Variants in NLGN4X observed in about 807,000 individuals in gnomAD.
NLGN4X encodes neuroligin-4, X-linked.
NLGN4X carries 3 observed loss-of-function variants against 40.3 expected under a neutral mutation model. The observed-to-expected ratio is 0.07, with a 90% confidence interval of 0.03 to 0.19. The LOEUF (loss-of-function observed/expected upper bound fraction) is 0.19. NLGN4X is among the 10% of genes least tolerant of loss of function. NLGN4X has a pLI of 1.00. For missense variants in NLGN4X, 382 were observed against 708.3 expected, an observed-to-expected ratio of 0.54 and a Z score of 5.23; for synonymous variants, 270 against 306.8, an observed-to-expected ratio of 0.88 and a Z score of 1.25.
At chrX:6,001,041 G>C (rs1243869247) in intron 3 of NLGN4X, among the ~76,000 whole-genome samples, 3 of 111,561 alleles carry the variant, frequency 2.7e-5, no homozygotes. Context: ...TCATCACATG[G>C]TGGTAGCAAG....
At chrX:6,090,040 C>A (rs1387471122) in intron 2 of NLGN4X, among the ~76,000 whole-genome samples, 1 of 111,428 alleles carries the variant, frequency 9.0e-6, no homozygotes, top group Admixed American at 9.6e-5. Context: ...TGAGAACAAT[C>A]CCAACAAGAG....
chrX:6,077,325 G>T (rs775817580), intron 2 of NLGN4X, among the ~76,000 whole-genome samples: 3 of 88,669 alleles, frequency 3.4e-5, no homozygotes, highest in Non-Finnish European at 7.6e-5. Context: ...GTGTGTGTGT[G>T]TGACAGGGTC....
intron 3 of NLGN4X, among the ~76,000 whole-genome samples, chrX:5,985,812 C>T (rs2035516309): frequency 1.8e-5 from 2 of 111,700 alleles, no homozygotes; most frequent in African/African-American, 3.3e-5. Flanking sequence ...GGGAACTATA[C>T]ACAATTGGAT....
chrX:6,125,412 T>C (rs1305027456), intron 2 of NLGN4X, among the ~76,000 whole-genome samples: 1 of 56,230 alleles, frequency 1.8e-5, no homozygotes, highest in Non-Finnish European at 3.7e-5. Flanking sequence ...AAGAGTAACA[T>C]ATACAACAAA....
chrX:6,046,758 C>T (rs1456397470), intron 2 of NLGN4X, among the ~76,000 whole-genome samples: 11 of 109,321 alleles, frequency 1.0e-4, no homozygotes, highest in East Asian at 8.5e-4. Context: ...TATGCACATA[C>T]ACTTTTATCA....
intron 2 of NLGN4X, among the ~76,000 whole-genome samples, chrX:6,059,369 C>T (rs142421525): frequency 0.032 from 3,586 of 111,979 alleles, 120 homozygotes; most frequent in African/African-American, 0.097. Flanking sequence ...CCCCTGACAG[C>T]GTCAGCCCAC....
intron 2 of NLGN4X, among the ~76,000 whole-genome samples, chrX:6,080,775 C>G (rs2038327371): frequency 9.0e-6 from 1 of 111,589 alleles, no homozygotes; most frequent in Admixed American, 9.5e-5. Flanking sequence ...TATTAAAGAC[C>G]TAAATGTGAC....
chrX:5,922,338 A>G (rs977409969), intron 3 of NLGN4X, among the ~76,000 whole-genome samples: 2 of 111,388 alleles, frequency 1.8e-5, no homozygotes, highest in Non-Finnish European at 3.8e-5. Context: ...AATAGCTAGA[A>G]GGAGGAAATT....
At chrX:6,073,324 CA>C (rs1245933699) in intron 2 of NLGN4X, among the ~76,000 whole-genome samples, 1 of 112,167 alleles carries the variant, frequency 8.9e-6, no homozygotes, top group East Asian at 2.8e-4. Context: ...ATTTGGAACT[CA>C]ATAAGTGTTT....
intron 2 of NLGN4X, among the ~76,000 whole-genome samples, chrX:6,086,098 C>G (rs1359154760): frequency 8.9e-6 from 1 of 111,865 alleles, no homozygotes. Flanking sequence ...GTTATGATTG[C>G]ATGAAGCCCA....
At chrX:6,149,479 A>AG (rs1357709278) in intron 2 of NLGN4X, among the ~76,000 whole-genome samples, 3 of 111,866 alleles carry the variant, frequency 2.7e-5, no homozygotes, top group Non-Finnish European at 5.6e-5. Context: ...ATCTCAACCC[A>AG]GGTGGCTGCT....
chrX:6,169,906 C>CA (rs2040569904), intron 1 of NLGN4X, among the ~76,000 whole-genome samples: 1 of 111,614 alleles, frequency 9.0e-6, no homozygotes, highest in Non-Finnish European at 1.9e-5. Context: ...TATCAGATAA[C>CA]AAAGAAATGA....
At chrX:5,946,632 G>A (rs1459871241) in intron 3 of NLGN4X, among the ~76,000 whole-genome samples, 4 of 111,487 alleles carry the variant, frequency 3.6e-5, no homozygotes, top group African/African-American at 1.3e-4. Flanking sequence ...GTTTCTCTGA[G>A]GTGAAACTCA....
At chrX:6,178,909 A>G (rs953365819) in intron 1 of NLGN4X, among the ~76,000 whole-genome samples, 4 of 110,832 alleles carry the variant, frequency 3.6e-5, no homozygotes, top group Non-Finnish European at 7.5e-5. Context: ...CAGCCTGAAC[A>G]ACATAGGAAA....
At chrX:6,006,825 G>T (rs142489162) in intron 3 of NLGN4X, among the ~76,000 whole-genome samples, 5,958 of 111,651 alleles carry the variant, frequency 0.053, 327 homozygotes, top group African/African-American at 0.17. Flanking sequence ...GCTGAGAAAA[G>T]GGTACAGTTA....
At chrX:6,225,786 C>G (rs1352916048) in intron 1 of NLGN4X, among the ~76,000 whole-genome samples, 1 of 90,978 alleles carries the variant, frequency 1.1e-5, no homozygotes, top group Non-Finnish European at 2.1e-5. Context: ...CACACCACCC[C>G]CTTTCAAGAA....
chrX:6,173,829 A>G (rs112861155), intron 1 of NLGN4X, among the ~76,000 whole-genome samples: 2,669 of 111,986 alleles, frequency 0.024, 78 homozygotes, highest in African/African-American at 0.079. Context: ...AGGCCGAGGC[A>G]GCAGATCACT....
intron 1 of NLGN4X, among the ~76,000 whole-genome samples, chrX:6,212,146 T>G (rs1406274819): frequency 1.8e-5 from 2 of 109,062 alleles, no homozygotes; most frequent in Admixed American, 9.9e-5. Context: ...CTTGGGAGGC[T>G]GAGACAGGAG....
chrX:6,226,869 C>T (rs1926410848), intron 1 of NLGN4X: 2 of 120,492 alleles, frequency 1.7e-5, no homozygotes, highest in Non-Finnish European at 3.4e-5. Context: ...CACCTACCTC[C>T]CTCTCCCTAC....
Sources: allele counts gnomAD v4.1 joint callset (sites outside exome capture counted in the v4.1 genomes callset), GRCh38; gene constraint gnomAD v4.1.1; transcripts MANE v1.5; gene names NCBI Gene and HGNC (gene_info 2026-07-23, HGNC 2026-07-21).